The following ZNF385D variants were observed in gnomAD, a reference collection of about 807,000 sequenced individuals.
The protein encoded by ZNF385D is zinc finger protein 385D.
In ZNF385D, 15 loss-of-function variants were observed where a neutral mutation model predicts 35.8. That is an observed-to-expected ratio of 0.42 (90% CI 0.28 to 0.64). ZNF385D has a LOEUF of 0.64. Among genes scored for constraint, ZNF385D ranks in the 30% least tolerant of loss-of-function variants. The pLI is 0.23. For missense variants in ZNF385D, 474 were observed against 494.6 expected (o/e 0.96, Z 0.39); for synonymous variants, 212 against 186.8 (o/e 1.13, Z -1.10).
chr3:21,694,972 C>G (rs546947291), intron 1 of ZNF385D, among the ~76,000 whole-genome samples: 1 of 151,950 alleles, frequency 6.6e-6, no homozygotes, highest in Non-Finnish European at 1.5e-5. Flanking sequence ...TGAGTCAGTC[C>G]CGGAGTTGAA....
intron 3 of ZNF385D, among the ~76,000 whole-genome samples, chr3:22,095,009 G>A (rs574140927): frequency 2.6e-5 from 4 of 151,766 alleles, no homozygotes; most frequent in African/African-American, 9.7e-5. Flanking sequence ...CTGGGTTCAA[G>A]CAATCCTCCC....
chr3:22,127,291 C>T (rs1398213383), intron 3 of ZNF385D, among the ~76,000 whole-genome samples: 1 of 115,546 alleles, frequency 8.7e-6, no homozygotes, highest in Non-Finnish European at 1.8e-5. Flanking sequence ...AAGTGATCTT[C>T]TCTGGTAGTA....
At chr3:21,472,871 C>G (rs1388037232) in intron 4 of ZNF385D, among the ~76,000 whole-genome samples, 1 of 152,100 alleles carries the variant, frequency 6.6e-6, no homozygotes, top group Admixed American at 6.6e-5. Flanking sequence ...ATCTGAGCCT[C>G]TCATGGTTCT....
At chr3:21,436,902 G>T in intron 5 of ZNF385D, 68 bp downstream of exon 5, 2 of 1,434,948 alleles carry the variant, frequency 1.4e-6, no homozygotes, top group Non-Finnish European at 1.9e-6. Flanking sequence ...TGCTGCAAAA[G>T]ATCTAATCTA....
chr3:21,797,494 C>G (rs1183628245), intron 3 of ZNF385D, among the ~76,000 whole-genome samples: 3 of 152,202 alleles, frequency 2.0e-5, no homozygotes, highest in Middle Eastern at 3.4e-3. Context: ...TGATATCTAC[C>G]CAAAGGAGTT....
intron 3 of ZNF385D, among the ~76,000 whole-genome samples, chr3:22,066,272 A>T (rs1423761107): frequency 1.3e-5 from 2 of 151,970 alleles, no homozygotes; most frequent in Non-Finnish European, 2.9e-5. Flanking sequence ...AAAATGAAGG[A>T]AAGGGGAAAA....
At chr3:22,030,285 A>ATG (rs1211853599) in intron 3 of ZNF385D, among the ~76,000 whole-genome samples, 33 of 86,716 alleles carry the variant, frequency 3.8e-4, no homozygotes, top group East Asian at 2.1e-3. Flanking sequence ...ATATATATAT[A>ATG]TATATATATA....
chr3:22,245,020 G>T (rs912176650), intron 2 of ZNF385D, among the ~76,000 whole-genome samples: 1 of 152,036 alleles, frequency 6.6e-6, no homozygotes, highest in Non-Finnish European at 1.5e-5. Context: ...AGAATTGCCA[G>T]AGAAAGTAGA....
intron 2 of ZNF385D, among the ~76,000 whole-genome samples, chr3:21,608,086 T>A (rs1015974917): frequency 6.8e-6 from 1 of 147,182 alleles, no homozygotes; most frequent in Non-Finnish European, 1.5e-5. Flanking sequence ...CTCAGCTCAC[T>A]GTAACCTCCA....
At chr3:22,319,367 T>G (rs1704071098) in intron 2 of ZNF385D, among the ~76,000 whole-genome samples, 1 of 151,722 alleles carries the variant, frequency 6.6e-6, no homozygotes, top group African/African-American at 2.4e-5. Flanking sequence ...AGCTAAATAT[T>G]AACTATTTAA....
intron 1 of ZNF385D, among the ~76,000 whole-genome samples, chr3:21,707,406 T>C (rs2067945550): frequency 6.6e-6 from 1 of 152,222 alleles, no homozygotes; most frequent in Non-Finnish European, 1.5e-5. Context: ...CTTTGAAGTG[T>C]TAGGATCATT....
chr3:21,611,165 T>G (rs1419094945), intron 2 of ZNF385D, among the ~76,000 whole-genome samples: 1 of 152,228 alleles, frequency 6.6e-6, no homozygotes, highest in Non-Finnish European at 1.5e-5. Context: ...TACTATTCAC[T>G]AGAAGCACAT....
chr3:21,436,819 C>G (rs756668328), intron 5 of ZNF385D, 151 bp downstream of exon 5: 16 of 782,382 alleles, frequency 2.0e-5, no homozygotes, highest in Non-Finnish European at 3.0e-5. Context: ...ACACTTTGCT[C>G]GTCATTTTTA....
At chr3:22,101,758 G>C (rs1701956350) in intron 3 of ZNF385D, among the ~76,000 whole-genome samples, 1 of 151,962 alleles carries the variant, frequency 6.6e-6, no homozygotes, top group Non-Finnish European at 1.5e-5. Context: ...ATAAATTGAA[G>C]ACCCAAAAGA....
intron 3 of ZNF385D, among the ~76,000 whole-genome samples, chr3:22,111,240 G>T (rs957295913): frequency 7.7e-6 from 1 of 129,516 alleles, no homozygotes; most frequent in Non-Finnish European, 1.6e-5. Flanking sequence ...TCTATAAACT[G>T]CTATATTTAC....
chr3:21,733,091 T>C (rs6766667), intron 1 of ZNF385D, among the ~76,000 whole-genome samples: 2,591 of 151,698 alleles, frequency 0.017, 81 homozygotes, highest in African/African-American at 0.059. Flanking sequence ...TTTGTCTAAA[T>C]TCATTTTTTT....
intron 1 of ZNF385D, among the ~76,000 whole-genome samples, chr3:21,738,184 A>G (rs2069339725): frequency 6.6e-6 from 1 of 152,184 alleles, no homozygotes; most frequent in African/African-American, 2.4e-5. Flanking sequence ...GCCTTCTTCA[A>G]ACAACTGCTG....
intron 2 of ZNF385D, among the ~76,000 whole-genome samples, chr3:22,270,028 T>G (rs1279694939): frequency 6.6e-6 from 1 of 151,920 alleles, no homozygotes; most frequent in African/African-American, 2.4e-5. Context: ...AATTGCAGAC[T>G]CTGGCTCAGA....
chr3:22,329,008 C>T (rs897710488), intron 2 of ZNF385D, among the ~76,000 whole-genome samples: 1 of 132,094 alleles, frequency 7.6e-6, no homozygotes, highest in Non-Finnish European at 1.5e-5. Context: ...ACCCGGGAGG[C>T]GGAGCTTGCA....
Sources: allele counts gnomAD v4.1 joint callset (sites outside exome capture counted in the v4.1 genomes callset), GRCh38; gene constraint gnomAD v4.1.1; transcripts MANE v1.5; gene names NCBI Gene and HGNC (gene_info 2026-07-23, HGNC 2026-07-21).